Variants in THSD4 observed in about 807,000 individuals in gnomAD.
THSD4 encodes thrombospondin type 1 domain containing 4, also known as thrombospondin type-1 domain-containing protein 4.
A neutral mutation model predicts 119.0 loss-of-function variants in THSD4; 69 were observed. The observed-to-expected ratio is 0.58, with a 90% CI of 0.48 to 0.71. THSD4 has a LOEUF of 0.71. Among genes scored for constraint, THSD4 ranks in the 30% least tolerant of loss-of-function variants. THSD4 has a pLI of 0.00. For synonymous variants in THSD4, 524 were observed against 540.4 expected, an observed-to-expected ratio of 0.97 and a Z score of 0.42; for missense variants, 1,393 against 1,391.1, an observed-to-expected ratio of 1.00 and a Z score of -0.02.
At chr15:71,381,886 G>A (rs998935365) in intron 6 of THSD4, among the ~76,000 whole-genome samples, 5 of 152,068 alleles carry the variant, frequency 3.3e-5, no homozygotes, top group African/African-American at 9.7e-5. Flanking sequence ...AACATATCAA[G>A]TAAGTCTACT....
At chr15:71,741,960 G>A (rs536852687) in intron 11 of THSD4, among the ~76,000 whole-genome samples, 101 of 152,314 alleles carry the variant, frequency 6.6e-4, no homozygotes, top group Non-Finnish European at 1.1e-3. Flanking sequence ...TGTCCCAGGC[G>A]GTGATGGCAC....
chr15:71,533,001 T>A (rs2048638309), intron 7 of THSD4, among the ~76,000 whole-genome samples: 1 of 152,188 alleles, frequency 6.6e-6, no homozygotes, highest in Non-Finnish European at 1.5e-5. Flanking sequence ...TTTGAGATAT[T>A]CACTTGCCAT....
intron 7 of THSD4, among the ~76,000 whole-genome samples, chr15:71,568,673 G>A (rs1190453868): frequency 6.7e-6 from 1 of 150,016 alleles, no homozygotes; most frequent in Non-Finnish European, 1.5e-5. Context: ...CATGTGCCAT[G>A]TTGGTGCGCT....
rs2050460947 is a variant in THSD4 at position 71,623,852 on chromosome 15, G to A, written c.1153-36678G>A. Among the ~76,000 whole-genome samples the A allele has an allele frequency of 2.0e-5, 3 of 151,552 alleles. No homozygotes were observed. In the South Asian group the frequency reaches 6.3e-4, roughly 32 times the overall value. On this transcript the variant is annotated intron_variant, in intron 7 of 17. Coordinates refer to ENST00000261862, the MANE Select transcript of THSD4 (RefSeq NM_024817.3). The stretch of plus-strand genomic sequence containing the variant: ...GCAGGACAGTCACTTGAACCTGGGA[G>A]GTGGAGGTTGCAGTGAGCCGAGATG...
intron 7 of THSD4, among the ~76,000 whole-genome samples, chr15:71,656,989 G>A (rs1161065846): frequency 2.4e-4 from 36 of 152,048 alleles, no homozygotes; most frequent in Admixed American, 2.2e-3. Flanking sequence ...ATCCCTTCAC[G>A]CCATCCCCAG....
At chr15:71,565,483 C>G (rs2049216836) in intron 7 of THSD4, among the ~76,000 whole-genome samples, 1 of 152,148 alleles carries the variant, frequency 6.6e-6, no homozygotes, top group Non-Finnish European at 1.5e-5. Flanking sequence ...CCCATGTAAC[C>G]CACTGCTCAA....
intron 7 of THSD4, among the ~76,000 whole-genome samples, chr15:71,592,375 G>A (rs1300257511): frequency 1.3e-5 from 2 of 152,210 alleles, no homozygotes; most frequent in African/African-American, 4.8e-5. Flanking sequence ...AGCCATCTGA[G>A]CGTGTGCACA....
chr15:71,403,641 G>A (rs539696731), intron 6 of THSD4, among the ~76,000 whole-genome samples: 1 of 152,298 alleles, frequency 6.6e-6, no homozygotes, highest in South Asian at 2.1e-4. Flanking sequence ...GCTTGTATTT[G>A]CAGTGAGCAA....
rs74025506 is a variant in THSD4, at chr15:71,709,155, G to A, written c.1358-19394G>A. Reference sequence around the variant, plus strand: ...CTTTCTCACCTGGAAAACGGGATTGGAATAAGGACAGCCAGGGGGAGGAGT... The same window carrying A: ...CTTTCTCACCTGGAAAACGGGATTGAAATAAGGACAGCCAGGGGGAGGAGT... On this transcript the variant is annotated intron_variant, in intron 8 of 17. Coordinates refer to ENST00000261862, the MANE Select transcript of THSD4 (RefSeq NM_024817.3). Among the ~76,000 whole-genome samples the A allele has an allele frequency of 2.5e-3, 380 of 152,314 alleles. 1 individual carries two copies. Among genetic ancestry groups the A allele is most frequent in the African/African-American group, 8.7e-3 (361 of 41,570 alleles).
chr15:71,724,268 T>TAG lies in THSD4; in HGVS notation c.1358-4280_1358-4279insGA, dbSNP rs1567119816. 1.3e-4 allele frequency among the ~76,000 whole-genome samples: 9 copies of TAG among 68,466 alleles called. No homozygotes were observed. The East Asian group carries it at 8.0e-3, about 60-fold the overall frequency. 44.9% of individuals were successfully genotyped at this position (68,466 alleles called of 152,430 possible). A position where few individuals can be genotyped will look rare whatever the true frequency, so the allele number is the denominator to read the frequency against. On this transcript the variant is annotated intron_variant, in intron 8 of 17. Transcript: ENST00000261862. ...GGGGGAGGAGGCCTCTATGATGGGA[T>TAG]ATATATATATATATATATATTTTTT...
intron 4 of THSD4, among the ~76,000 whole-genome samples, chr15:71,222,997 C>T (rs28501407): frequency 0.06 from 9,084 of 152,240 alleles, 942 homozygotes; most frequent in African/African-American, 0.21. Flanking sequence ...ACCTACCTCA[C>T]TGAGTTGCTG....
At chr15:71,662,275 A>AG (rs2051325835) in intron 8 of THSD4, among the ~76,000 whole-genome samples, 1 of 151,714 alleles carries the variant, frequency 6.6e-6, no homozygotes, top group African/African-American at 2.4e-5. Flanking sequence ...GGGGGGGAGG[A>AG]GGAAGGGATG....
At chr15:71,411,591 A>G (rs567567602) in intron 6 of THSD4, 96 bp from the exon 7 acceptor site, 6 of 1,369,134 alleles carry the variant, frequency 4.4e-6, no homozygotes, top group East Asian at 2.5e-5. Flanking sequence ...ATTTTTCTCA[A>G]TAAAAATTAT....
intron 7 of THSD4, among the ~76,000 whole-genome samples, chr15:71,423,774 C>T (rs1275072381): frequency 6.6e-6 from 1 of 152,204 alleles, no homozygotes; most frequent in African/African-American, 2.4e-5. Flanking sequence ...GGCTTGTGGC[C>T]TAGACTGCCT....
chr15:71,462,740 C>T lies in THSD4; in HGVS notation c.1152+50917C>T, dbSNP rs143848367. Among the ~76,000 whole-genome samples, 376 of 152,320 alleles carry T rather than the reference C, an allele frequency of 2.5e-3. 3 individuals are homozygous for T. The highest frequency in any genetic ancestry group is 8.6e-3 in the African/African-American group (356 of 41,560). On this transcript the variant is annotated intron_variant, in intron 7 of 17. Transcript: ENST00000261862. ...TCTCCTTAGTTTCTTCCAGGCTAAA[C>T]ATTCCATGTTTGTTCAGCCTTCTCT... is the stretch of plus-strand genomic sequence containing the variant.
chr15:71,129,535 C>T (rs1462542783), intron 1 of THSD4, among the ~76,000 whole-genome samples: 2 of 151,734 alleles, frequency 1.3e-5, no homozygotes, highest in Non-Finnish European at 2.9e-5. Context: ...CCTTCTTGAC[C>T]TCTGGGGGAC....
chr15:71,550,065 T>C (rs374281579), intron 7 of THSD4, among the ~76,000 whole-genome samples: 40 of 152,320 alleles, frequency 2.6e-4, no homozygotes, highest in African/African-American at 8.7e-4. Flanking sequence ...CTCAGAACAG[T>C]GAGATCATGA....
Position 71,782,218 on chromosome 15 carries a change from C to T in THSD4, c.*4844C>T, listed in dbSNP as rs1385217709. ...TAACTCCCTGCACCCTGAACCACCC[C>T]CCATTCCTGTTCATTTCAGCAGATA... On this transcript the variant is annotated 3_prime_UTR_variant, in exon 18 of 18. Coordinates refer to ENST00000261862, the MANE Select transcript of THSD4 (RefSeq NM_024817.3). 6.6e-6 allele frequency: 1 copy of T among 151,692 alleles called. No homozygotes were observed. The highest frequency in any genetic ancestry group is 2.4e-5 in the African/African-American group (1 of 41,392). The allele number at this position is 151,692 out of a possible 1,614,324, so 9.4% of individuals were successfully genotyped here.
intron 6 of THSD4, among the ~76,000 whole-genome samples, chr15:71,264,177 G>A (rs910275125): frequency 2.6e-5 from 4 of 152,222 alleles, no homozygotes; most frequent in Non-Finnish European, 2.9e-5. Context: ...GGAGGCTTGT[G>A]ACTAAGTGCT....
Sources: allele counts gnomAD v4.1 joint callset (sites outside exome capture counted in the v4.1 genomes callset), GRCh38; gene constraint gnomAD v4.1.1; transcripts MANE v1.5; gene names NCBI Gene and HGNC (gene_info 2026-07-23, HGNC 2026-07-21).